The following SIDT1 variants were observed in gnomAD, a reference collection of about 807,000 sequenced individuals.
The protein encoded by SIDT1 is SID1 transmembrane family, member 1.
A neutral mutation model predicts 107.5 loss-of-function variants in SIDT1; 101 were observed. The ratio of observed to expected loss-of-function variants is 0.94; its 90% confidence interval spans 0.80 to 1.11. The LOEUF is 1.11. SIDT1 is among the 50% of genes least tolerant of loss of function. The pLI, the probability that SIDT1 is intolerant of heterozygous loss-of-function variation, is 0.00. For synonymous variants in SIDT1, 395 were observed against 398.2 expected (o/e 0.99, Z 0.10); for missense variants, 1,076 against 1,058.2 (o/e 1.02, Z -0.23).
chr3:113,614,522 G>T (rs1346163927), intron 19 of SIDT1, among the ~76,000 whole-genome samples: 1 of 152,200 alleles, frequency 6.6e-6, no homozygotes, highest in South Asian at 2.1e-4. Context: ...AAGCCAGGAA[G>T]TTGGATTCAT....
At chr3:113,636,700 T>C in the SIDT1 span, among the ~76,000 whole-genome samples, 1 of 152,132 alleles carries the variant, frequency 6.6e-6, no homozygotes, top group South Asian at 2.1e-4. Flanking sequence ...ATGTGAAAAA[T>C]TAAGTACTGA....
In SIDT1 at chr3:113,532,891, G is replaced by T. The variant is rs1330563628; in HGVS notation, c.-131G>T. 23 of 555,086 alleles carry T rather than the reference G, an allele frequency of 4.1e-5. No individual in the cohort carries two copies. The highest frequency in any genetic ancestry group is 6.4e-5 in the Non-Finnish European group (23 of 358,746). 34.4% of individuals were successfully genotyped at this position (555,086 alleles called of 1,614,324 possible). On this transcript the variant is annotated 5_prime_UTR_variant, in exon 1 of 25. Transcript: ENST00000264852. ...GCACGCTGCCAGCCCTGGCCGGCTG[G>T]GTTCGCCAGGCATCACCCGCTCGGC...
At chr3:113,569,321 A>C (rs957579351) in intron 3 of SIDT1, among the ~76,000 whole-genome samples, 1 of 152,218 alleles carries the variant, frequency 6.6e-6, no homozygotes, top group South Asian at 2.1e-4. Context: ...ATATATGCTT[A>C]TAACTGCACA....
intron 3 of SIDT1, among the ~76,000 whole-genome samples, chr3:113,570,409 C>T (rs539753141): frequency 4.6e-5 from 7 of 152,248 alleles, no homozygotes; most frequent in South Asian, 4.1e-4. Flanking sequence ...GTGGCAGTGT[C>T]ACTTGGTGGT....
chr3:113,591,027 A>G (rs1302861270), intron 9 of SIDT1, among the ~76,000 whole-genome samples: 1 of 152,276 alleles, frequency 6.6e-6, no homozygotes, highest in Non-Finnish European at 1.5e-5. Flanking sequence ...TGTAATCACA[A>G]GAATCCTTAT....
intron 1 of SIDT1, among the ~76,000 whole-genome samples, chr3:113,541,168 A>G (rs978651168): frequency 1.3e-5 from 2 of 150,860 alleles, no homozygotes; most frequent in East Asian, 3.9e-4. Flanking sequence ...ACACACACAT[A>G]TTTTGAGATG....
At chr3:113,597,353 C>T (rs543766849) in intron 10 of SIDT1, among the ~76,000 whole-genome samples, 3 of 151,988 alleles carry the variant, frequency 2.0e-5, no homozygotes, top group East Asian at 1.9e-4. Context: ...AAATATTAGC[C>T]GCACATGGTG....
chr3:113,594,245 A>G (rs1944384670), intron 10 of SIDT1, among the ~76,000 whole-genome samples: 2 of 152,112 alleles, frequency 1.3e-5, no homozygotes, highest in Admixed American at 1.3e-4. Context: ...CCAGCCACCC[A>G]AGCACTTTGT....
intron 1 of SIDT1, among the ~76,000 whole-genome samples, chr3:113,536,403 C>T (rs1318345852): frequency 6.6e-6 from 1 of 152,148 alleles, no homozygotes; most frequent in East Asian, 1.9e-4. Flanking sequence ...GGTCATTGCC[C>T]ACCTCCCCTC....
chr3:113,593,151 C>A lies in SIDT1; in HGVS notation c.1045+103C>A, dbSNP rs1944296526. The stretch of plus-strand genomic sequence containing the variant: ...CTCTGCCTTTTGCAATTTACAAACC[C>A]TCCCTTGATTCCTATCCCGCAGAGT... On this transcript the variant is annotated intron_variant, in intron 10 of 24. Coordinates refer to ENST00000264852, the MANE Select transcript of SIDT1 (RefSeq NM_017699.3). 3 of 971,948 alleles carry A rather than the reference C, an allele frequency of 3.1e-6. No individual in the cohort carries two copies. The South Asian group carries it at 3.9e-5, about 12-fold the overall frequency. The allele number at this position is 971,948 out of a possible 1,614,324, so 60.2% of individuals were successfully genotyped here.
intron 3 of SIDT1, among the ~76,000 whole-genome samples, chr3:113,576,485 TG>T: frequency 6.6e-6 from 1 of 152,244 alleles, no homozygotes; most frequent in African/African-American, 2.4e-5. Context: ...CATTTTGCCA[TG>T]GGTCTATCAA....
chr3:113,558,677 G>A (rs546342849), intron 1 of SIDT1, among the ~76,000 whole-genome samples: 70 of 152,274 alleles, frequency 4.6e-4, no homozygotes, highest in African/African-American at 1.6e-3. Context: ...AGTACTTGGG[G>A]ACCAGAAGAA....
At chr3:113,600,381 A>G (rs1944876772) in intron 10 of SIDT1, among the ~76,000 whole-genome samples, 1 of 152,072 alleles carries the variant, frequency 6.6e-6, no homozygotes, top group South Asian at 2.1e-4. Context: ...AACACTATCC[A>G]TCCACTCTCA....
rs547321014 is a variant in SIDT1 at position 113,541,809 on chromosome 3, A to T, written c.222+8566A>T. 7.3e-5 allele frequency among the ~76,000 whole-genome samples: 11 copies of T among 149,802 alleles called. No individual in the cohort carries two copies. In the South Asian group the frequency reaches 1.9e-3, roughly 26 times the overall value. On this transcript the variant is annotated intron_variant, in intron 1 of 24. Transcript: ENST00000264852. ...GTCTTCTGGCAAAAGTGAAAATAAA[A>T]TTTTTTTCCTTCCCTTATAAGTAAC...
chr3:113,601,034 T>C (rs115605799), intron 10 of SIDT1, among the ~76,000 whole-genome samples: 1 of 152,314 alleles, frequency 6.6e-6, no homozygotes, highest in South Asian at 2.1e-4. Context: ...CTGAGCCAGC[T>C]CTTGGCTAAA....
intron 3 of SIDT1, among the ~76,000 whole-genome samples, chr3:113,571,486 G>GCACACACACACACACA (rs60256247): frequency 0.033 from 4,845 of 148,840 alleles, 153 homozygotes; most frequent in African/African-American, 0.078. Context: ...CCTATCCTCT[G>GCACACACACACACACA]CACACACACA....
Position 113,607,101 on chromosome 3 carries a change from T to A in SIDT1, c.1465T>A (p.Leu489Met), listed in dbSNP as rs1353316960. The change falls in exon 15 of 25, where the codon TTG (leucine) becomes ATG (methionine). Residue 489 changes from leucine to methionine, a missense_variant. Coordinates refer to ENST00000264852, the MANE Select transcript of SIDT1 (RefSeq NM_017699.3). ...CTACAACTTCCTCTGTGCTCACCCCTTGGGCGTCCTGAGGTAAACCCAGTC... is the reference window on the plus strand; with the variant it reads ...CTACAACTTCCTCTGTGCTCACCCCATGGGCGTCCTGAGGTAAACCCAGTC... ...CYYNFLCAHP[L>M]GVLSAFNNIL... 6.2e-7 allele frequency: 1 copy of A among 1,611,404 alleles called. No individual in the cohort carries two copies. Among genetic ancestry groups the A allele is most frequent in the East Asian group, 2.2e-5 (1 of 44,856 alleles).
intron 1 of SIDT1, among the ~76,000 whole-genome samples, chr3:113,540,000 G>A (rs1205627795): frequency 2.2e-5 from 3 of 136,368 alleles, no homozygotes; most frequent in African/African-American, 3.1e-5. Flanking sequence ...GTGAAACTCC[G>A]TCTCAAAAAA....
At chr3:113,590,910 T>A (rs1476320032) in intron 9 of SIDT1, among the ~76,000 whole-genome samples, 1 of 152,244 alleles carries the variant, frequency 6.6e-6, no homozygotes, top group Non-Finnish European at 1.5e-5. Flanking sequence ...AAAAGAATTC[T>A]ATGTCTAATC....
Sources: allele counts gnomAD v4.1 joint callset (sites outside exome capture counted in the v4.1 genomes callset), GRCh38; gene constraint gnomAD v4.1.1; transcripts MANE v1.5; gene names NCBI Gene and HGNC (gene_info 2026-07-23, HGNC 2026-07-21).